Variants in MAF observed in about 807,000 individuals in gnomAD.
The protein encoded by MAF is MAF bZIP transcription factor.
In MAF, 10 loss-of-function variants were observed where a neutral mutation model predicts 22.0. The ratio of observed to expected loss-of-function variants is 0.45; its 90% confidence interval spans 0.28 to 0.77. MAF has a LOEUF of 0.77. MAF is among the 30% of genes least tolerant of loss of function. The pLI, the probability that MAF is intolerant of heterozygous loss-of-function variation, is 0.12. For synonymous variants in MAF, 337 were observed against 255.8 expected (o/e 1.32, Z -3.03); for missense variants, 544 against 548.4 (o/e 0.99, Z 0.08).
At chr16:79,357,529 G>A in the MAF span, among the ~76,000 whole-genome samples, 1 of 152,184 alleles carries the variant, frequency 6.6e-6, no homozygotes, top group South Asian at 2.1e-4. Context: ...TGACAGATAT[G>A]GGAACCCTGC....
the MAF span, among the ~76,000 whole-genome samples, chr16:79,566,147 T>C: frequency 1.3e-5 from 2 of 152,186 alleles, no homozygotes; most frequent in Non-Finnish European, 2.9e-5. Flanking sequence ...CTGTAGATCA[T>C]CAGTTTCTTT....
the MAF span, among the ~76,000 whole-genome samples, chr16:79,562,730 G>A: frequency 6.6e-6 from 1 of 152,104 alleles, no homozygotes; most frequent in African/African-American, 2.4e-5. Flanking sequence ...CCACAAAGCT[G>A]TTGTCCAGGG....
chr16:79,221,608 A>C, the MAF span, among the ~76,000 whole-genome samples: 1 of 152,206 alleles, frequency 6.6e-6, no homozygotes, highest in Admixed American at 6.5e-5. Context: ...AGAAATTCAA[A>C]TTCTAGCAGT....
chr16:79,345,951 T>G, the MAF span, among the ~76,000 whole-genome samples: 2 of 152,080 alleles, frequency 1.3e-5, no homozygotes, highest in Admixed American at 1.3e-4. Context: ...AATTTTGAAT[T>G]TGATCAATTT....
chr16:79,227,551 G>A, the MAF span, among the ~76,000 whole-genome samples: 1 of 151,934 alleles, frequency 6.6e-6, no homozygotes, highest in Non-Finnish European at 1.5e-5. Flanking sequence ...CTCCACCTCA[G>A]TGCACTCCTA....
At chr16:79,231,346 T>G in the MAF span, among the ~76,000 whole-genome samples, 1 of 152,102 alleles carries the variant, frequency 6.6e-6, no homozygotes, top group Non-Finnish European at 1.5e-5. Context: ...GAGCTCTTGC[T>G]GCGTTTTAAT....
At chr16:79,462,011 C>G in the MAF span, among the ~76,000 whole-genome samples, 2 of 152,284 alleles carry the variant, frequency 1.3e-5, no homozygotes, top group South Asian at 4.2e-4. Context: ...AGGAGTTTCC[C>G]TGCAAATGGA....
the MAF span, among the ~76,000 whole-genome samples, chr16:79,208,414 C>T: frequency 6.6e-6 from 1 of 152,012 alleles, no homozygotes; most frequent in African/African-American, 2.4e-5. Flanking sequence ...GAACCCATAG[C>T]TCCAGCCAGT....
At chr16:79,490,054 T>A in the MAF span, among the ~76,000 whole-genome samples, 1 of 152,104 alleles carries the variant, frequency 6.6e-6, no homozygotes, top group East Asian at 1.9e-4. Context: ...AACGGGTGTG[T>A]CTAAGTGTCT....
the MAF span, among the ~76,000 whole-genome samples, chr16:79,239,461 A>G: frequency 6.6e-6 from 1 of 152,062 alleles, no homozygotes; most frequent in South Asian, 2.1e-4. Flanking sequence ...ACAAACCTCC[A>G]AAATTCAAAT....
chr16:79,309,727 G>A, the MAF span, among the ~76,000 whole-genome samples: 1 of 152,076 alleles, frequency 6.6e-6, no homozygotes, highest in Admixed American at 6.5e-5. Flanking sequence ...CATAAATTAC[G>A]AGGTGGTCAT....
chr16:79,540,146 C>T, the MAF span, among the ~76,000 whole-genome samples: 1 of 151,984 alleles, frequency 6.6e-6, no homozygotes, highest in African/African-American at 2.4e-5. Context: ...ATGCAGCCAC[C>T]GAGGCAGGTG....
chr16:79,226,806 G>T, the MAF span, among the ~76,000 whole-genome samples: 2 of 152,026 alleles, frequency 1.3e-5, no homozygotes, highest in Non-Finnish European at 2.9e-5. Context: ...TTAGAAAAAT[G>T]ATGACAAAAT....
the MAF span, among the ~76,000 whole-genome samples, chr16:79,398,242 G>C: frequency 2.0e-5 from 3 of 152,222 alleles, no homozygotes; most frequent in Non-Finnish European, 4.4e-5. Context: ...AAGGACCTTT[G>C]TGATTACGCT....
chr16:79,539,706 T>C, the MAF span, among the ~76,000 whole-genome samples: 10,701 of 152,274 alleles, frequency 0.07, 436 homozygotes, highest in South Asian at 0.14. Flanking sequence ...AATAGTTTCA[T>C]TCATAAAGTA....
At chr16:79,280,073 A>C in the MAF span, among the ~76,000 whole-genome samples, 1 of 152,222 alleles carries the variant, frequency 6.6e-6, no homozygotes, top group African/African-American at 2.4e-5. Flanking sequence ...GCAGGTAAGG[A>C]AACAGGAAGA....
At chr16:79,559,002 T>G in the MAF span, among the ~76,000 whole-genome samples, 1 of 152,222 alleles carries the variant, frequency 6.6e-6, no homozygotes. Flanking sequence ...CAAAACCCCT[T>G]ACCTAGGATG....
chr16:79,484,773 A>G, the MAF span, among the ~76,000 whole-genome samples: 2 of 152,168 alleles, frequency 1.3e-5, no homozygotes, highest in Non-Finnish European at 2.9e-5. Flanking sequence ...GCAGCTGCGG[A>G]AAAGGGGTGA....
At chr16:79,263,320 G>A in the MAF span, among the ~76,000 whole-genome samples, 1 of 152,164 alleles carries the variant, frequency 6.6e-6, no homozygotes, top group South Asian at 2.1e-4. Context: ...AGACAGAGAT[G>A]GGGAATGGCT....
Sources: allele counts gnomAD v4.1 joint callset (sites outside exome capture counted in the v4.1 genomes callset), GRCh38; gene constraint gnomAD v4.1.1; transcripts MANE v1.5; gene names NCBI Gene and HGNC (gene_info 2026-07-23, HGNC 2026-07-21).